Variants in PCDHGA1 observed in about 807,000 individuals in gnomAD.
PCDHGA1 encodes protocadherin gamma subfamily A, 1, also known as protocadherin gamma-A1.
PCDHGA1 carries 32 observed loss-of-function variants against 58.0 expected under a neutral mutation model. The observed-to-expected ratio is 0.55, with a 90% CI of 0.42 to 0.74. The LOEUF (loss-of-function observed/expected upper bound fraction) is 0.74, where lower values mean the gene tolerates loss of function less well. Among genes scored for constraint, PCDHGA1 ranks in the 30% least tolerant of loss-of-function variants. PCDHGA1 has a pLI of 0.00. For missense variants in PCDHGA1, 1,205 were observed against 1,182.3 expected, an observed-to-expected ratio of 1.02 and a Z score of -0.28; for synonymous variants, 498 against 501.1, an observed-to-expected ratio of 0.99 and a Z score of 0.08.
intron 1 of PCDHGA1, among the ~76,000 whole-genome samples, chr5:141,400,896 A>G (rs193291751): frequency 2.6e-5 from 4 of 152,214 alleles, no homozygotes; most frequent in Admixed American, 2.6e-4. Context: ...TAATCATTTA[A>G]TTCATCTTTT....
Position 141,485,585 on chromosome 5 carries a change from C to G in PCDHGA1, c.2422-9222C>G, listed in dbSNP as rs373987810. The G allele has an allele frequency of 7.4e-6, 12 of 1,612,204 alleles. No individual in the cohort carries two copies. The highest frequency in any genetic ancestry group is 1.0e-5 in the Non-Finnish European group (12 of 1,178,590). On this transcript the variant is annotated intron_variant, in intron 1 of 3. Transcript: ENST00000517417. The surrounding 1 kb of genome is among the most constrained non-coding windows in gnomAD (Gnocchi z 5.7). ...CGCCCCCCGTTTTCCGCGGCAGCAG[C>G]TGGACTTGGAAATTGGGGAGGCAGC...
In PCDHGA1 at chr5:141,477,005, T is replaced by C; in HGVS notation, c.2422-17802T>C. The C allele has an allele frequency of 1.2e-6, 2 of 1,614,240 alleles. No individual in the cohort carries two copies. Among genetic ancestry groups the C allele is most frequent in the Non-Finnish European group, 1.7e-6 (2 of 1,180,040 alleles). Reference sequence around the variant, plus strand: ...CGCCGGCGTGCGGCAACTATTCGCCTTAGACCTTGTAACCGGGATGCTGAC... The same window carrying C: ...CGCCGGCGTGCGGCAACTATTCGCCCTAGACCTTGTAACCGGGATGCTGAC... On this transcript the variant is annotated intron_variant, in intron 1 of 3. Transcript: ENST00000517417. The surrounding 1 kb of genome is among the most constrained non-coding windows in gnomAD (Gnocchi z 4.9).
chr5:141,400,352 G>A (rs1214813312), intron 1 of PCDHGA1: 2 of 1,614,044 alleles, frequency 1.2e-6, no homozygotes, highest in Non-Finnish European at 1.7e-6. Flanking sequence ...TACAGTCAGG[G>A]GACTTTGCCT....
intron 1 of PCDHGA1, chr5:141,374,208 G>A (rs777295061): frequency 1.2e-6 from 2 of 1,613,952 alleles, no homozygotes; most frequent in East Asian, 2.2e-5. Context: ...CTGGAGAAAG[G>A]CTCCTTCGTA....
Position 141,330,601 on chromosome 5 carries a change from G to C in PCDHGA1, c.-84G>C. 7.0e-7 allele frequency: 1 copy of C among 1,430,582 alleles called. No individual in the cohort carries two copies. Among genetic ancestry groups the C allele is most frequent in the Non-Finnish European group, 9.4e-7 (1 of 1,061,526 alleles). 88.6% of individuals were successfully genotyped at this position (1,430,582 alleles called of 1,614,324 possible). ...ATGACTCTCCAGTCAGAATTCTCCT[G>C]AAAATTGGGTTAATTTCAGCTCAGA... On this transcript the variant is annotated 5_prime_UTR_variant, in exon 1 of 4. The change abolishes the stop of an existing upstream ORF in the 5' untranslated region. Coordinates refer to ENST00000517417, the MANE Select transcript of PCDHGA1 (RefSeq NM_018912.3).
At chr5:141,421,303 G>C in intron 1 of PCDHGA1, 1 of 1,613,660 alleles carries the variant, frequency 6.2e-7, no homozygotes, top group Non-Finnish European at 8.5e-7. Context: ...GACGCTGCGG[G>C]GGTTCCGGGC....
At position 141,486,426 on chromosome 5, in the gene PCDHGA1, A is replaced by T; in HGVS notation, c.2422-8381A>T. 6.2e-7 allele frequency: 1 copy of T among 1,614,190 alleles called. No homozygotes were observed. The highest frequency in any genetic ancestry group is 8.5e-7 in the Non-Finnish European group (1 of 1,180,026). ...GCTGGACCCTTGGATCGAGAGGCCA[A>T]ATCTAGCTATGACATCATGGTCACT... On this transcript the variant is annotated intron_variant, in intron 1 of 3. Coordinates refer to ENST00000517417, the MANE Select transcript of PCDHGA1 (RefSeq NM_018912.3). This position sits in a 1 kb window ranked among gnomAD's most constrained non-coding sequence, Gnocchi z 5.0.
rs146748846 is a variant in PCDHGA1 at position 141,452,937 on chromosome 5, G to C, written c.2422-41870G>C. 4.0e-4 allele frequency among the ~76,000 whole-genome samples: 61 copies of C among 152,254 alleles called. No individual in the cohort carries two copies. The East Asian group carries it at 0.01, about 26-fold the overall frequency. On this transcript the variant is annotated intron_variant, in intron 1 of 3. Coordinates refer to ENST00000517417, the MANE Select transcript of PCDHGA1 (RefSeq NM_018912.3). The stretch of plus-strand genomic sequence containing the variant: ...AGTAAGAAAGAGCTGCTGAAGATTT[G>C]CTTGCAATTGGTTGTCTTTAAACTG...
At chr5:141,350,135 C>T (rs898820014) in intron 1 of PCDHGA1, 1 of 753,636 alleles carries the variant, frequency 1.3e-6, no homozygotes, top group Non-Finnish European at 1.9e-6. Flanking sequence ...AGCACAGACG[C>T]TGCTCCTGTT....
Position 141,434,784 on chromosome 5 carries a change from AT to A in PCDHGA1, c.2422-60014del, listed in dbSNP as rs201914459. On this transcript the variant is annotated intron_variant, in intron 1 of 3. Transcript: ENST00000517417. The stretch of plus-strand genomic sequence containing the variant: ...ACTTCACACTTCTAAAAAAAAAAAA[AT>A]TTTTTTTTCTGAGCTTGGAGAAATA... Among the ~76,000 whole-genome samples the A allele has an allele frequency of 3.3e-4, 49 of 150,342 alleles. 1 individual carries two copies. Among genetic ancestry groups the A allele is most frequent in the Middle Eastern group, 3.4e-3 (1 of 290 alleles).
At chr5:141,380,816 A>C (rs546532723) in intron 1 of PCDHGA1, among the ~76,000 whole-genome samples, 1 of 152,374 alleles carries the variant, frequency 6.6e-6, no homozygotes, top group East Asian at 1.9e-4. Flanking sequence ...AGATGAAACT[A>C]TGAATTTTGA....
In PCDHGA1 at chr5:141,475,977, A is replaced by G. The variant is rs369460464; in HGVS notation, c.2422-18830A>G. The stretch of plus-strand genomic sequence containing the variant: ...CCCCGGGATGAGGCAGAGACTGAAC[A>G]GCCGGCGAGCAAATCAACGGCATCC... On this transcript the variant is annotated intron_variant, in intron 1 of 3. Transcript: ENST00000517417. The G allele has an allele frequency of 2.2e-5, 21 of 972,826 alleles. No individual in the cohort carries two copies. The South Asian group carries it at 2.8e-4, about 13-fold the overall frequency. 60.3% of individuals were successfully genotyped at this position (972,826 alleles called of 1,614,324 possible).
Position 141,491,244 on chromosome 5 carries a change from T to A in PCDHGA1, c.2422-3563T>A. 1 of 1,614,210 alleles carries A rather than the reference T, an allele frequency of 6.2e-7. No individual in the cohort carries two copies. Among genetic ancestry groups the A allele is most frequent in the Non-Finnish European group, 8.5e-7 (1 of 1,180,024 alleles). On this transcript the variant is annotated intron_variant, in intron 1 of 3. Coordinates refer to ENST00000517417, the MANE Select transcript of PCDHGA1 (RefSeq NM_018912.3). This position sits in a 1 kb window ranked among gnomAD's most constrained non-coding sequence, Gnocchi z 6.9. ...CCACAGTGCTGCTGGTTCTGGAGGA[T>A]GAGGACCCTGAGGAAATGCCCAAAT...
chr5:141,403,789 C>T (rs1230029917), intron 1 of PCDHGA1: 1 of 1,613,864 alleles, frequency 6.2e-7, no homozygotes, highest in East Asian at 2.2e-5. Flanking sequence ...AAGTGGCATA[C>T]AAATTCTGGA....
intron 1 of PCDHGA1, among the ~76,000 whole-genome samples, chr5:141,448,706 C>T (rs1344013319): frequency 1.3e-5 from 2 of 151,730 alleles, no homozygotes; most frequent in African/African-American, 2.4e-5. Flanking sequence ...TTTGGGAGGC[C>T]GAGGCGGGAG....
chr5:141,331,747 G>A lies in PCDHGA1; in HGVS notation c.1063G>A (p.Ala355Thr). ...AGTGACCATCACCTCTGTCACCACT[G>A]CAGTTCCAGAAAACTTTCCTCCTGG... ...PEVTITSVTT[A>T]VPENFPPGTI... The change falls in exon 1 of 4, where the codon GCA (alanine) becomes ACA (threonine). Residue 355 changes from alanine to threonine, a missense_variant. Ala to Thr is a moderately conservative substitution (Grantham distance 58, BLOSUM62 0). Transcript: ENST00000517417. 6.2e-7 allele frequency: 1 copy of A among 1,614,106 alleles called. No homozygotes were observed. The highest frequency in any genetic ancestry group is 8.5e-7 in the Non-Finnish European group (1 of 1,180,028).
chr5:141,356,652 T>C, intron 1 of PCDHGA1: 5 of 1,614,078 alleles, frequency 3.1e-6, no homozygotes, highest in Non-Finnish European at 4.2e-6. Context: ...GTGGTGACAA[T>C]GCCCGAATCA....
At chr5:141,366,775 A>G (rs550477594) in intron 1 of PCDHGA1, 13 of 1,595,244 alleles carry the variant, frequency 8.1e-6, no homozygotes, top group African/African-American at 1.3e-5. Context: ...TTCGGTAAGG[A>G]TGACCAGAAC....
chr5:141,350,943 G>A (rs542251559), intron 1 of PCDHGA1: 6 of 1,614,070 alleles, frequency 3.7e-6, no homozygotes, highest in Non-Finnish European at 5.1e-6. Context: ...ATCTGGATCC[G>A]AGTTACGGAT....
Sources: gnomAD v4.1 joint callset for allele counts (sites outside exome capture counted in the v4.1 genomes callset) on GRCh38, gnomAD v4.1.1 for gene constraint, Gnocchi (gnomAD v3.1) non-coding constraint, MANE v1.5 for transcripts, NCBI Gene and HGNC (gene_info 2026-07-23, HGNC 2026-07-21) for gene names.